The following AGPS variants were observed in gnomAD, a reference collection of about 807,000 sequenced individuals.
The protein encoded by AGPS is alkyldihydroxyacetonephosphate synthase, peroxisomal.
AGPS carries 26 observed loss-of-function variants against 90.7 expected under a neutral mutation model. The observed-to-expected ratio is 0.29, with a 90% confidence interval of 0.21 to 0.40. The LOEUF (loss-of-function observed/expected upper bound fraction) is 0.40. Ranked by LOEUF, AGPS falls within the 10% of genes least tolerant of loss-of-function variation. The pLI, the probability that AGPS is intolerant of heterozygous loss-of-function variation, is 1.00. For missense variants in AGPS, 540 were observed against 816.1 expected (o/e 0.66, Z 4.12); for synonymous variants, 294 against 285.3 (o/e 1.03, Z -0.31).
chr2:177,523,895 A>C, intron 19 of AGPS, 90 bp downstream of exon 19: 1 of 1,075,710 alleles, frequency 9.3e-7, no homozygotes. Context: ...TGGTATGAAT[A>C]ATATGAGAGT....
Position 177,542,799 on chromosome 2 carries a change from G to T in AGPS, c.*4604G>T, listed in dbSNP as rs1366477013. On this transcript the variant is annotated 3_prime_UTR_variant, in exon 20 of 20. Transcript: ENST00000264167. ...AAGTTTCTATAAGTAGTTATTTTTT[G>T]AGCTACTTATACTATATCCCCAAAA... 2.6e-5 allele frequency: 4 copies of T among 151,914 alleles called. No homozygotes were observed. Among genetic ancestry groups the T allele is most frequent in the Non-Finnish European group, 5.9e-5 (4 of 67,988 alleles). 9.4% of individuals were successfully genotyped at this position (151,914 alleles called of 1,614,324 possible).
intron 19 of AGPS, 103 bp from the exon 20 acceptor site, chr2:177,537,971 T>C (rs2079198867): frequency 6.8e-7 from 1 of 1,468,400 alleles, no homozygotes; most frequent in East Asian, 2.3e-5. Flanking sequence ...CATTTTTGAA[T>C]AAAAGCATTT....
intron 5 of AGPS, 131 bp from the exon 6 acceptor site, chr2:177,440,834 A>G: frequency 1.4e-6 from 1 of 719,946 alleles, no homozygotes; most frequent in African/African-American, 1.8e-5. Context: ...GTACTCAATT[A>G]ACTCATTGTG....
intron 1 of AGPS, among the ~76,000 whole-genome samples, chr2:177,408,052 G>T (rs533552780): frequency 1.4e-3 from 216 of 152,260 alleles, no homozygotes; most frequent in Middle Eastern, 3.4e-3. Context: ...GAGTCGCTGG[G>T]ATTATAGGCA....
intron 1 of AGPS, among the ~76,000 whole-genome samples, chr2:177,410,964 T>G (rs562951773): frequency 1.3e-5 from 2 of 152,278 alleles, no homozygotes; most frequent in African/African-American, 4.8e-5. Context: ...TTTTAAAGTG[T>G]CCTTGTAGGC....
chr2:177,507,883 CT>C, intron 15 of AGPS, 86 bp from the exon 16 acceptor site: 2 of 957,034 alleles, frequency 2.1e-6, no homozygotes, highest in Non-Finnish European at 3.4e-6. Context: ...ACATGTGATA[CT>C]AACAATGAAT....
At chr2:177,432,267 A>G (rs142811726) in intron 2 of AGPS, among the ~76,000 whole-genome samples, 3,358 of 152,328 alleles carry the variant, frequency 0.022, 68 homozygotes, top group African/African-American at 0.044. Context: ...AAAGTGATAA[A>G]TTGATCTCAC....
intron 19 of AGPS, among the ~76,000 whole-genome samples, chr2:177,537,328 A>G (rs1295891154): frequency 6.6e-6 from 1 of 151,944 alleles, no homozygotes; most frequent in Non-Finnish European, 1.5e-5. Flanking sequence ...TTACTTCACT[A>G]TTCTCAGAAC....
chr2:177,447,505 C>T (rs1265892399), intron 8 of AGPS, among the ~76,000 whole-genome samples: 3 of 151,900 alleles, frequency 2.0e-5, no homozygotes, highest in African/African-American at 4.8e-5. Context: ...ATTATCAGCA[C>T]AGCACTTTTT....
chr2:177,439,372 G>A (rs1686525316), intron 5 of AGPS, among the ~76,000 whole-genome samples: 1 of 152,150 alleles, frequency 6.6e-6, no homozygotes, highest in Admixed American at 6.5e-5. Context: ...TGGAATGGGG[G>A]TGCAGTTTCA....
rs982242573 is a variant in AGPS at position 177,543,424 on chromosome 2, T to A, written c.*5229T>A. ...AGCCTGTGAAATACTTTGGCTCTGA[T>A]ACAACTTAACTTGAATAATATCTTA... On this transcript the variant is annotated 3_prime_UTR_variant, in exon 20 of 20. Coordinates refer to ENST00000264167, the MANE Select transcript of AGPS (RefSeq NM_003659.4). 3 of 152,244 alleles carry A rather than the reference T, an allele frequency of 2.0e-5. No individual in the cohort carries two copies. Among genetic ancestry groups the A allele is most frequent in the Non-Finnish European group, 2.9e-5 (2 of 68,034 alleles). The allele number at this position is 152,244 out of a possible 1,614,324, so 9.4% of individuals were successfully genotyped here.
intron 16 of AGPS, among the ~76,000 whole-genome samples, chr2:177,511,954 GCA>G (rs201822426): frequency 0.081 from 12,265 of 152,156 alleles, 815 homozygotes; most frequent in East Asian, 0.34. Context: ...ACATTTAAGT[GCA>G]TTTAAACTGA....
At chr2:177,481,097 T>C (rs533302343) in intron 10 of AGPS, among the ~76,000 whole-genome samples, 1 of 152,264 alleles carries the variant, frequency 6.6e-6, no homozygotes, top group African/African-American at 2.4e-5. Context: ...AATTATATTG[T>C]AAACTTACTG....
intron 10 of AGPS, among the ~76,000 whole-genome samples, chr2:177,475,072 T>C (rs1340501779): frequency 6.6e-6 from 1 of 152,204 alleles, no homozygotes; most frequent in East Asian, 1.9e-4. Context: ...CCATAGTCTA[T>C]GGACAGATAA....
chr2:177,426,896 G>A (rs1382517865), intron 2 of AGPS, among the ~76,000 whole-genome samples: 1 of 152,140 alleles, frequency 6.6e-6, no homozygotes, highest in Admixed American at 6.6e-5. Flanking sequence ...AAAGGAGTTA[G>A]GTAGCAGTCC....
chr2:177,475,955 T>A (rs911880242), intron 10 of AGPS, among the ~76,000 whole-genome samples: 3 of 152,154 alleles, frequency 2.0e-5, no homozygotes, highest in Admixed American at 6.5e-5. Flanking sequence ...TGTAATTTAT[T>A]GCTATACAGT....
chr2:177,407,173 C>T (rs144898406), intron 1 of AGPS, among the ~76,000 whole-genome samples: 14 of 152,186 alleles, frequency 9.2e-5, no homozygotes, highest in African/African-American at 3.1e-4. Flanking sequence ...ACACCTACAT[C>T]ACAGGATTAA....
intron 1 of AGPS, among the ~76,000 whole-genome samples, chr2:177,396,353 G>A (rs1160965870): frequency 1.3e-5 from 2 of 152,182 alleles, no homozygotes; most frequent in East Asian, 1.9e-4. Flanking sequence ...ATAAAATATA[G>A]CAGTGAACAA....
chr2:177,413,220 G>A (rs900653658), intron 1 of AGPS, among the ~76,000 whole-genome samples: 2 of 152,150 alleles, frequency 1.3e-5, no homozygotes, highest in Non-Finnish European at 2.9e-5. Flanking sequence ...TTTCAGTCTT[G>A]GTATTTTTAG....
Sources: allele counts gnomAD v4.1 joint callset (sites outside exome capture counted in the v4.1 genomes callset), GRCh38; gene constraint gnomAD v4.1.1; transcripts MANE v1.5; gene names NCBI Gene and HGNC (gene_info 2026-07-23, HGNC 2026-07-21).